IFT81: variants seen among roughly 807,000 people sequenced by gnomAD.
IFT81 encodes the protein intraflagellar transport protein 81 homolog.
In IFT81, 72 loss-of-function variants were observed where a neutral mutation model predicts 102.6. The ratio of observed to expected loss-of-function variants is 0.70; its 90% CI spans 0.58 to 0.85. The LOEUF (loss-of-function observed/expected upper bound fraction) is 0.85, where lower values mean the gene tolerates loss of function less well. Among genes scored for constraint, IFT81 ranks in the 40% least tolerant of loss-of-function variants. IFT81 has a pLI of 0.00. For synonymous variants in IFT81, 237 were observed against 242.7 expected (o/e 0.98, Z 0.22); for missense variants, 723 against 787.3 (o/e 0.92, Z 0.98).
intron 18 of IFT81, among the ~76,000 whole-genome samples, chr12:110,210,849 A>T (rs2137604630): frequency 6.6e-6 from 1 of 151,560 alleles, no homozygotes; most frequent in African/African-American, 2.4e-5. Context: ...AGTGTTCAAA[A>T]TCTTTTTCCT....
chr12:110,140,984 C>A (rs1021718283), intron 8 of IFT81, among the ~76,000 whole-genome samples: 2 of 151,684 alleles, frequency 1.3e-5, no homozygotes, highest in East Asian at 1.9e-4. Context: ...GCCTCAGCCT[C>A]CCAAAGTGCT....
At chr12:110,206,159 G>A (rs1198394831) in intron 17 of IFT81, among the ~76,000 whole-genome samples, 1 of 152,168 alleles carries the variant, frequency 6.6e-6, no homozygotes, top group African/African-American at 2.4e-5. Context: ...CTAGTCATCT[G>A]CCTGCTAATT....
rs1895268238 is a variant in IFT81, at chr12:110,147,048, G to A, written c.1041G>A (p.Gln347=). Residue 347 remains glutamine, a splice_region_variant and synonymous_variant, in exon 10 of 19, where the codon CAG becomes CAA. Transcript: ENST00000242591. Reference sequence around the variant, plus strand: ...GCAAACTCTCACTGTATAGGCAACAGGTAAGAACATTCTTTTGGCTCACAT... The same window carrying A: ...GCAAACTCTCACTGTATAGGCAACAAGTAAGAACATTCTTTTGGCTCACAT... ...IEGKLSLYRQ[Q]ASIISRKKEA... The A allele has an allele frequency of 1.3e-6, 2 of 1,592,348 alleles. No homozygotes were observed. The highest frequency in any genetic ancestry group is 1.7e-6 in the Non-Finnish European group (2 of 1,171,280).
intron 14 of IFT81, among the ~76,000 whole-genome samples, chr12:110,200,702 C>T (rs1898219994): frequency 6.6e-6 from 1 of 152,162 alleles, no homozygotes; most frequent in Non-Finnish European, 1.5e-5. Flanking sequence ...GTAATCCCAA[C>T]ACTTTGGGAG....
intron 10 of IFT81, among the ~76,000 whole-genome samples, chr12:110,154,219 A>G (rs946630918): frequency 1.5e-4 from 23 of 149,030 alleles, no homozygotes; most frequent in Non-Finnish European, 3.1e-4. Context: ...TCCTGACCTC[A>G]TGATAGACCT....
chr12:110,132,656 G>A lies in IFT81; in HGVS notation c.519+20G>A, dbSNP rs1347410454. On this transcript the variant is annotated intron_variant, in intron 5 of 18. Transcript: ENST00000242591. ...AGAAAGGTAAAGGAAAGAAAACATAGTAACAATTTTTTTGGGATTTGAATA... is the reference window on the plus strand; with the variant it reads ...AGAAAGGTAAAGGAAAGAAAACATAATAACAATTTTTTTGGGATTTGAATA... 4 of 1,310,324 alleles carry A rather than the reference G, an allele frequency of 3.1e-6. No individual in the cohort carries two copies. Among genetic ancestry groups the A allele is most frequent in the Non-Finnish European group, 2.2e-6 (2 of 919,610 alleles). The allele number at this position is 1,310,324 out of a possible 1,614,324, so 81.2% of individuals were successfully genotyped here.
At chr12:110,174,457 G>GAAA (rs573702387) in intron 11 of IFT81, among the ~76,000 whole-genome samples, 2 of 55,186 alleles carry the variant, frequency 3.6e-5, no homozygotes, top group Admixed American at 2.1e-4. Context: ...CTCCGTCTCA[G>GAAA]AAAAAAAAAA....
intron 8 of IFT81, among the ~76,000 whole-genome samples, chr12:110,138,606 TG>T (rs1465487305): frequency 6.6e-6 from 1 of 152,154 alleles, no homozygotes; most frequent in African/African-American, 2.4e-5. Context: ...CTAATTTTTG[TG>T]TTTTTAGTAG....
chr12:110,189,434 C>T (rs1235960033), intron 12 of IFT81, among the ~76,000 whole-genome samples: 1 of 152,054 alleles, frequency 6.6e-6, no homozygotes, highest in African/African-American at 2.4e-5. Context: ...CTGCAAGCTC[C>T]ACCTCCCGGG....
At chr12:110,199,582 C>T (rs1003943271) in intron 14 of IFT81, among the ~76,000 whole-genome samples, 3 of 152,178 alleles carry the variant, frequency 2.0e-5, no homozygotes, top group Admixed American at 2.0e-4. Flanking sequence ...GCACCTTCAT[C>T]TCAAGAGACC....
intron 12 of IFT81, among the ~76,000 whole-genome samples, chr12:110,187,376 AC>A (rs1897583841): frequency 6.6e-6 from 1 of 151,862 alleles, no homozygotes; most frequent in Non-Finnish European, 1.5e-5. Flanking sequence ...TGATTCTCCC[AC>A]CTCAGCCTCC....
chr12:110,174,480 G>A (rs995404632), intron 11 of IFT81, among the ~76,000 whole-genome samples: 3 of 150,232 alleles, frequency 2.0e-5, no homozygotes, highest in Non-Finnish European at 3.0e-5. Context: ...AAAAAAAATG[G>A]CTTTGTGTTT....
At chr12:110,127,011 A>G (rs575669690) in intron 1 of IFT81, among the ~76,000 whole-genome samples, 7 of 152,304 alleles carry the variant, frequency 4.6e-5, no homozygotes, top group African/African-American at 1.4e-4. Flanking sequence ...AGGCTCCTAA[A>G]ATTTAGGAGC....
intron 11 of IFT81, among the ~76,000 whole-genome samples, chr12:110,174,485 G>A (rs1896956818): frequency 1.3e-5 from 2 of 148,750 alleles, no homozygotes; most frequent in Admixed American, 6.7e-5. Context: ...AAATGGCTTT[G>A]TGTTTCTTAA....
chr12:110,176,977 A>G (rs989006780), intron 11 of IFT81, among the ~76,000 whole-genome samples: 2 of 152,230 alleles, frequency 1.3e-5, no homozygotes, highest in Non-Finnish European at 2.9e-5. Context: ...TTTGCCCAGG[A>G]CACTTTTAAT....
intron 12 of IFT81, among the ~76,000 whole-genome samples, chr12:110,188,087 C>G (rs1897618847): frequency 6.6e-6 from 1 of 152,154 alleles, no homozygotes; most frequent in African/African-American, 2.4e-5. Flanking sequence ...AATCCCAACA[C>G]TTTGGGAGGC....
intron 12 of IFT81, among the ~76,000 whole-genome samples, chr12:110,182,602 A>G (rs76931975): frequency 6.6e-6 from 1 of 152,150 alleles, no homozygotes; most frequent in Non-Finnish European, 1.5e-5. Context: ...CTGAGTCCTA[A>G]ATATATTTCT....
At chr12:110,174,692 A>G (rs1197396005) in intron 11 of IFT81, among the ~76,000 whole-genome samples, 1 of 152,204 alleles carries the variant, frequency 6.6e-6, no homozygotes, top group Non-Finnish European at 1.5e-5. Context: ...GCATTTATAA[A>G]TGGTTACATT....
intron 10 of IFT81, among the ~76,000 whole-genome samples, chr12:110,149,541 G>A (rs1235603501): frequency 6.6e-6 from 1 of 152,206 alleles, no homozygotes. Flanking sequence ...TTGTCTTGGT[G>A]TACCGGAAGA....
Sources: gnomAD v4.1 joint callset for allele counts (sites outside exome capture counted in the v4.1 genomes callset) on GRCh38, gnomAD v4.1.1 for gene constraint, MANE v1.5 for transcripts, NCBI Gene and HGNC (gene_info 2026-07-23, HGNC 2026-07-21) for gene names.